NANOGP8: variants seen among roughly 807,000 people sequenced by gnomAD.
NANOGP8 encodes the protein Nanog homeobox retrogene P8.
For synonymous variants in NANOGP8, 84 were observed against 125.9 expected, an observed-to-expected ratio of 0.67 and a Z score of 2.23; for missense variants, 220 against 353.4, an observed-to-expected ratio of 0.62 and a Z score of 3.03.
Position 35,084,482 on chromosome 15 carries a change from G to A in NANOGP8, c.629C>T (p.Thr210Ile), listed in dbSNP as rs9944179. Residue 210 changes from threonine to isoleucine, a missense_variant, in exon 1 of 1, where the codon ACC (threonine) becomes ATC (isoleucine). Thr to Ile is a moderately conservative substitution (Grantham distance 89). Transcript: ENST00000528386. ...TWNNSTWSNQTQNIQSWSNHS... is the reference protein window; with the variant it reads ...TWNNSTWSNQIQNIQSWSNHS... Reference sequence around the variant, plus strand: ...GTTGCTCCAGGACTGGATGTTCTGGGTCTGGTTGCTCCAGGTTGAATTGTT... The same window carrying A: ...GTTGCTCCAGGACTGGATGTTCTGGATCTGGTTGCTCCAGGTTGAATTGTT... 79,376 of 1,608,686 alleles carry A rather than the reference G, an allele frequency of 0.049. 4,618 individuals are homozygous for A. Among genetic ancestry groups the A allele is most frequent in the African/African-American group, 0.29 (21,355 of 74,154 alleles).
chr15:35,084,502 A>G lies in NANOGP8; in HGVS notation c.609T>C (p.Asn203=). Residue 203 remains asparagine, a synonymous_variant, in exon 1 of 1, where the codon AAT becomes AAC. Coordinates refer to ENST00000528386, the MANE Select transcript of NANOGP8 (RefSeq NM_001355281.2). The part of the protein sequence containing the change: ...LPMWSNQTWN[N]STWSNQTQNI... Reference sequence around the variant, plus strand: ...TCTGGGTCTGGTTGCTCCAGGTTGAATTGTTCCAGGTCTGGTTGCTCCACA... The same window carrying G: ...TCTGGGTCTGGTTGCTCCAGGTTGAGTTGTTCCAGGTCTGGTTGCTCCACA... 1 of 1,610,868 alleles carries G rather than the reference A, an allele frequency of 6.2e-7. No homozygotes were observed. The highest frequency in any genetic ancestry group is 8.5e-7 in the Non-Finnish European group (1 of 1,178,564).
At position 35,084,273 on chromosome 15, in the gene NANOGP8, T is replaced by C. The variant is rs1595400550; in HGVS notation, c.838A>G (p.Thr280Ala). Residue 280 changes from threonine (T) to alanine (A), a missense_variant, in exon 1 of 1, where the codon ACC (threonine) becomes GCC (alanine). Physicochemically the swap from Thr to Ala is moderately conservative, Grantham distance 58. Coordinates refer to ENST00000528386, the MANE Select transcript of NANOGP8 (RefSeq NM_001355281.2). ...AGEGLNVIQQ[T>A]TRYFSTPQTM... is the part of the protein sequence containing the mutation. Reference sequence around the variant, plus strand: ...TGTGGAGTACTAAAATACCTAGTGGTCTGCTGTATTACATTAAGGCCTTCC... The same window carrying C: ...TGTGGAGTACTAAAATACCTAGTGGCCTGCTGTATTACATTAAGGCCTTCC... The C allele has an allele frequency of 2.3e-6, 3 of 1,319,188 alleles. No individual in the cohort carries two copies. The East Asian group carries it at 6.9e-5, about 31-fold the overall frequency. 81.7% of individuals were successfully genotyped at this position (1,319,188 alleles called of 1,614,324 possible).
In NANOGP8 at chr15:35,083,652, A is replaced by G. The variant is rs1303748326; in HGVS notation, c.*541T>C. Among the ~76,000 whole-genome samples the G allele has an allele frequency of 6.6e-6, 1 of 152,004 alleles. No individual in the cohort carries two copies. The highest frequency in any genetic ancestry group is 2.4e-5 in the African/African-American group (1 of 41,360). ...AGAGACGGCAGCCAAGGTTATTAAA[A>G]TGTCTTTTCTAGGCAGGGCGCGGTG... On this transcript the variant is annotated 3_prime_UTR_variant, in exon 1 of 1. Transcript: ENST00000528386.
At position 35,084,723 on chromosome 15, in the gene NANOGP8, T is replaced by C. The variant is rs2050908166; in HGVS notation, c.388A>G (p.Asn130Asp). ...LSLQQMQELS[N>D]ILNLSYKQVK... ...TGTTTGTAGCTGAGGTTCAGGATGT[T>C]GGAGAGTTCTTGCATCTGCTGGAGG... Residue 130 changes from asparagine to aspartate, a missense_variant, in exon 1 of 1, where the codon AAC (asparagine) becomes GAC (aspartate). Physicochemically the swap from Asn to Asp is conservative, Grantham distance 23. Transcript: ENST00000528386. 1.1e-5 allele frequency: 17 copies of C among 1,614,142 alleles called. No homozygotes were observed. The highest frequency in any genetic ancestry group is 1.4e-5 in the Non-Finnish European group (16 of 1,179,960).
rs1254164531 is a variant in NANOGP8 at position 35,085,008 on chromosome 15, A to G, written c.103T>C (p.Tyr35His). The part of the protein sequence containing the change: ...MPVICGPEEN[Y>H]PSLQMSSAEM... ...GCAGAAGACATTTGCAAGGATGGAT[A>G]GTTTTCTTCAGGCCCACAAATCACA... Residue 35 changes from tyrosine (Y) to histidine (H), a missense_variant, in exon 1 of 1, where the codon TAT becomes CAT. By Grantham distance (83) the Tyr-to-His change is moderately conservative (BLOSUM62 2). Transcript: ENST00000528386. 16 of 1,607,878 alleles carry G rather than the reference A, an allele frequency of 1.0e-5. No homozygotes were observed. The highest frequency in any genetic ancestry group is 1.4e-5 in the Non-Finnish European group (16 of 1,176,152).
chr15:35,084,276 G>C lies in NANOGP8; in HGVS notation c.835C>G (p.Gln279Glu). Residue 279 changes from glutamine (Q) to glutamate (E), a missense_variant, in exon 1 of 1, where the codon CAG becomes GAG. Gln to Glu is a conservative substitution (Grantham distance 29). Coordinates refer to ENST00000528386, the MANE Select transcript of NANOGP8 (RefSeq NM_001355281.2). The stretch of plus-strand genomic sequence containing the variant: ...GGAGTACTAAAATACCTAGTGGTCT[G>C]CTGTATTACATTAAGGCCTTCCCCA... The part of the protein sequence containing the change: ...AAGEGLNVIQ[Q>E]TTRYFSTPQT... The C allele has an allele frequency of 7.5e-7, 1 of 1,338,888 alleles. No homozygotes were observed. The highest frequency in any genetic ancestry group is 1.1e-6 in the Non-Finnish European group (1 of 944,622). 82.9% of individuals were successfully genotyped at this position (1,338,888 alleles called of 1,614,324 possible).
chr15:35,085,202 A>T lies in NANOGP8; in HGVS notation c.-92T>A, dbSNP rs2050910333. 1 of 694,864 alleles carries T rather than the reference A, an allele frequency of 1.4e-6. No individual in the cohort carries two copies. Among genetic ancestry groups the T allele is most frequent in the Non-Finnish European group, 2.4e-6 (1 of 412,134 alleles). The allele number at this position is 694,864 out of a possible 1,614,324, so 43.0% of individuals were successfully genotyped here. A position where few individuals can be genotyped will look rare whatever the true frequency, so the allele number is the denominator to read the frequency against. ...AAGACTTTTCTGGAAGATGTTAGAGAAATAGGACCTCCAGAAGGAAAAGTA... is the reference window on the plus strand; with the variant it reads ...AAGACTTTTCTGGAAGATGTTAGAGTAATAGGACCTCCAGAAGGAAAAGTA... On this transcript the variant is annotated 5_prime_UTR_variant, in exon 1 of 1. Transcript: ENST00000528386.
In NANOGP8 at chr15:35,085,163, G is replaced by T; in HGVS notation, c.-53C>A. ...ATTTAAGAGGTGGACTGGAAAAAAGGTTAAGGCAGCTTTAAGACTTTTCTG... is the reference window on the plus strand; with the variant it reads ...ATTTAAGAGGTGGACTGGAAAAAAGTTTAAGGCAGCTTTAAGACTTTTCTG... On this transcript the variant is annotated 5_prime_UTR_variant, in exon 1 of 1. Transcript: ENST00000528386. The T allele has an allele frequency of 9.6e-7, 1 of 1,044,396 alleles. No individual in the cohort carries two copies. The highest frequency in any genetic ancestry group is 1.4e-6 in the Non-Finnish European group (1 of 691,492). 64.7% of individuals were successfully genotyped at this position (1,044,396 alleles called of 1,614,324 possible).
At position 35,083,942 on chromosome 15, in the gene NANOGP8, T is replaced by A. The variant is rs1595400352; in HGVS notation, c.*251A>T. Among the ~76,000 whole-genome samples, 1 of 3,736 alleles carries A rather than the reference T, an allele frequency of 2.7e-4. No individual in the cohort carries two copies. Among genetic ancestry groups the A allele is most frequent in the Non-Finnish European group, 4.9e-4 (1 of 2,034 alleles). 2.5% of individuals were successfully genotyped at this position (3,736 alleles called of 152,430 possible). On this transcript the variant is annotated 3_prime_UTR_variant, in exon 1 of 1. Transcript: ENST00000528386. ...GCCTGGGCGACAGAGCAAGACTCCG[T>A]CTCAAAAAAAAAAAAAAAAAAAAGT... is the stretch of plus-strand genomic sequence containing the variant.
Position 35,083,992 on chromosome 15 carries a change from GAAA to G in NANOGP8, c.*198_*200del, listed in dbSNP as rs369549814. ...TATTTTCTCCAGGAAGATCCAATAG[GAAA>G]AAAAAAAAAAAAAAGAAACCTCGCT... is the stretch of plus-strand genomic sequence containing the variant. On this transcript the variant is annotated 3_prime_UTR_variant, in exon 1 of 1. Transcript: ENST00000528386. Among the ~76,000 whole-genome samples, 1 of 77,504 alleles carries G rather than the reference GAAA, an allele frequency of 1.3e-5. No individual in the cohort carries two copies. The highest frequency in any genetic ancestry group is 4.6e-5 in the African/African-American group (1 of 21,554). 50.8% of individuals were successfully genotyped at this position (77,504 alleles called of 152,430 possible).
chr15:35,084,963 T>G lies in NANOGP8; in HGVS notation c.148A>C (p.Thr50Pro). 1 of 1,611,552 alleles carries G rather than the reference T, an allele frequency of 6.2e-7. No individual in the cohort carries two copies. The highest frequency in any genetic ancestry group is 2.1e-4 in the Middle Eastern group (1 of 4,668). ...MSSAEMPHTE[T>P]VSPLPSSMDL... ...ATGGAGGAAGGAAGAGGAGAGACAG[T>G]CTCTGTGTGAGGCATCTCAGCAGAA... Residue 50 changes from threonine (T) to proline (P), a missense_variant, in exon 1 of 1, where the codon ACT becomes CCT. Coordinates refer to ENST00000528386, the MANE Select transcript of NANOGP8 (RefSeq NM_001355281.2).
Position 35,083,521 on chromosome 15 carries a change from C to T in NANOGP8, c.*672G>A, listed in dbSNP as rs1249057130. Reference sequence around the variant, plus strand: ...CAAAGCCTCCCAATCCCAAACAATACGAATACATCTTCATCACCAATTTGT... The same window carrying T: ...CAAAGCCTCCCAATCCCAAACAATATGAATACATCTTCATCACCAATTTGT... On this transcript the variant is annotated 3_prime_UTR_variant, in exon 1 of 1. Coordinates refer to ENST00000528386, the MANE Select transcript of NANOGP8 (RefSeq NM_001355281.2). 1.3e-5 allele frequency among the ~76,000 whole-genome samples: 2 copies of T among 151,934 alleles called. No homozygotes were observed. Among genetic ancestry groups the T allele is most frequent in the Admixed American group, 6.6e-5 (1 of 15,264 alleles).
rs2140332678 is a variant in NANOGP8 at position 35,083,540 on chromosome 15, A to G, written c.*653T>C. 6.6e-6 allele frequency among the ~76,000 whole-genome samples: 1 copy of G among 152,104 alleles called. No individual in the cohort carries two copies. The highest frequency in any genetic ancestry group is 2.4e-5 in the African/African-American group (1 of 41,502). On this transcript the variant is annotated 3_prime_UTR_variant, in exon 1 of 1. Transcript: ENST00000528386. ...ACAATACGAATACATCTTCATCACC[A>G]ATTTGTACTTGTATTTCTTATTCTT...
In NANOGP8 at chr15:35,084,545, G is replaced by C; in HGVS notation, c.566C>G (p.Pro189Arg). ...SSYHQGCLVN[P>R]TGNLPMWSNQ... is the part of the protein sequence containing the mutation. ...GCTCCACATTGGAAGGTTCCCAGTCGGGTTCACCAGGCATCCCTGGTGGTA... is the reference window on the plus strand; with the variant it reads ...GCTCCACATTGGAAGGTTCCCAGTCCGGTTCACCAGGCATCCCTGGTGGTA... Residue 189 changes from proline to arginine, a missense_variant, in exon 1 of 1, where the codon CCG becomes CGG. Pro to Arg is a moderately radical substitution (Grantham distance 103). Transcript: ENST00000528386. 6.2e-7 allele frequency: 1 copy of C among 1,613,248 alleles called. No homozygotes were observed. The highest frequency in any genetic ancestry group is 8.5e-7 in the Non-Finnish European group (1 of 1,179,530).
rs1399604097 is a variant in NANOGP8, at chr15:35,083,963, A to G, written c.*230T>C. On this transcript the variant is annotated 3_prime_UTR_variant, in exon 1 of 1. Transcript: ENST00000528386. Reference sequence around the variant, plus strand: ...TCCGTCTCAAAAAAAAAAAAAAAAAAAAGTATTTTCTCCAGGAAGATCCAA... The same window carrying G: ...TCCGTCTCAAAAAAAAAAAAAAAAAGAAGTATTTTCTCCAGGAAGATCCAA... Among the ~76,000 whole-genome samples, 6 of 129,798 alleles carry G rather than the reference A, an allele frequency of 4.6e-5. No homozygotes were observed. The highest frequency in any genetic ancestry group is 8.7e-5 in the Admixed American group (1 of 11,452). 85.2% of individuals were successfully genotyped at this position (129,798 alleles called of 152,430 possible).
Position 35,085,061 on chromosome 15 carries a change from G to C in NANOGP8, c.50C>G (p.Ser17Cys). The C allele has an allele frequency of 3.8e-6, 6 of 1,586,586 alleles. No individual in the cohort carries two copies. The stretch of plus-strand genomic sequence containing the variant: ...CATAGGTGAAGATTCTTTACAGTCG[G>C]ATTCTTCAAAGCAAGGCAAGCTTTG... Reference protein sequence around the residue: ...CPQSLPCFEESDCKESSPMPV... With the variant: ...CPQSLPCFEECDCKESSPMPV... The change falls in exon 1 of 1, where the codon TCC becomes TGC. Residue 17 changes from serine (S) to cysteine (C), a missense_variant. Transcript: ENST00000528386.
Position 35,084,325 on chromosome 15 carries a change from G to A in NANOGP8, c.786C>T (p.Asp262=). 2 of 1,608,424 alleles carry A rather than the reference G, an allele frequency of 1.2e-6. No homozygotes were observed. The highest frequency in any genetic ancestry group is 2.2e-5 in the South Asian group (2 of 90,910). The change falls in exon 1 of 1, where the codon GAC becomes GAT. Residue 262 remains aspartate (D), a synonymous_variant. Transcript: ENST00000528386. ...CAGCAGCTTCCAAGGCAGCCTCCAAGTCACTGGCAGGAGAATTTGGCTGGA... is the reference window on the plus strand; with the variant it reads ...CAGCAGCTTCCAAGGCAGCCTCCAAATCACTGGCAGGAGAATTTGGCTGGA... The part of the protein sequence containing the change: ...MHFQPNSPAS[D]LEAALEAAGE...
chr15:35,083,700 T>A lies in NANOGP8; in HGVS notation c.*493A>T, dbSNP rs1293198500. 2.6e-5 allele frequency among the ~76,000 whole-genome samples: 4 copies of A among 152,010 alleles called. No individual in the cohort carries two copies. Among genetic ancestry groups the A allele is most frequent in the East Asian group, 1.9e-4 (1 of 5,148 alleles). On this transcript the variant is annotated 3_prime_UTR_variant, in exon 1 of 1. Coordinates refer to ENST00000528386, the MANE Select transcript of NANOGP8 (RefSeq NM_001355281.2). The stretch of plus-strand genomic sequence containing the variant: ...GTGGCTCACGCCTGTAAATCCCAGC[T>A]GTTAGGGAGGCCGAGGCGGGCGGAT...
rs111342805 is a variant in NANOGP8 at position 35,083,964 on chromosome 15, A to T, written c.*229T>A. 0.087 allele frequency among the ~76,000 whole-genome samples: 10,031 copies of T among 114,844 alleles called. 778 individuals carry two copies. The highest frequency in any genetic ancestry group is 0.24 in the African/African-American group (6,795 of 28,404). The allele number at this position is 114,844 out of a possible 152,430, so 75.3% of individuals were successfully genotyped here. ...CCGTCTCAAAAAAAAAAAAAAAAAAAAGTATTTTCTCCAGGAAGATCCAAT... is the reference window on the plus strand; with the variant it reads ...CCGTCTCAAAAAAAAAAAAAAAAAATAGTATTTTCTCCAGGAAGATCCAAT... On this transcript the variant is annotated 3_prime_UTR_variant, in exon 1 of 1. Transcript: ENST00000528386.
Sources: allele counts gnomAD v4.1 joint callset (sites outside exome capture counted in the v4.1 genomes callset), GRCh38; gene constraint gnomAD v4.1.1; transcripts MANE v1.5; gene names NCBI Gene and HGNC (gene_info 2026-07-23, HGNC 2026-07-21).